Variants in SLC25A21 observed in about 807,000 individuals in gnomAD.
SLC25A21 encodes the protein solute carrier family 25 member 21.
In SLC25A21, 47 loss-of-function variants were observed where a neutral mutation model predicts 43.8. The observed-to-expected ratio is 1.07, with a 90% CI of 0.85 to 1.37. The LOEUF (loss-of-function observed/expected upper bound fraction) is 1.37, where lower values mean the gene tolerates loss of function less well. SLC25A21 is among the 40% of genes most tolerant of loss of function. SLC25A21 has a pLI of 0.00. For synonymous variants in SLC25A21, 131 were observed against 121.3 expected, an observed-to-expected ratio of 1.08 and a Z score of -0.52; for missense variants, 352 against 350.2, an observed-to-expected ratio of 1.00 and a Z score of -0.04.
At chr14:37,127,185 T>C (rs1023684086) in intron 1 of SLC25A21, among the ~76,000 whole-genome samples, 1 of 152,090 alleles carries the variant, frequency 6.6e-6, no homozygotes, top group African/African-American at 2.4e-5. Context: ...GTCACAAACA[T>C]ATCTTATTAA....
intron 3 of SLC25A21, among the ~76,000 whole-genome samples, chr14:36,758,068 T>A (rs1357736670): frequency 6.6e-6 from 1 of 152,236 alleles, no homozygotes; most frequent in Non-Finnish European, 1.5e-5. Context: ...GAATGCAGAC[T>A]GGCTCAGGGG....
chr14:36,884,746 C>G (rs1890864743), intron 1 of SLC25A21, among the ~76,000 whole-genome samples: 1 of 152,056 alleles, frequency 6.6e-6, no homozygotes, highest in South Asian at 2.1e-4. Flanking sequence ...GAGCATTTTT[C>G]TATATGTCTG....
At chr14:36,732,408 T>A (rs1884865589) in intron 4 of SLC25A21, among the ~76,000 whole-genome samples, 1 of 152,076 alleles carries the variant, frequency 6.6e-6, no homozygotes, top group Admixed American at 6.6e-5. Flanking sequence ...GGAACCATGG[T>A]GCCGCCCATC....
intron 7 of SLC25A21, among the ~76,000 whole-genome samples, chr14:36,708,339 A>G (rs1883666102): frequency 6.6e-6 from 1 of 152,252 alleles, no homozygotes; most frequent in Non-Finnish European, 1.5e-5. Context: ...ATTTACTAGT[A>G]TAATCTAGAT....
chr14:37,118,541 G>A (rs1447338085), intron 1 of SLC25A21, among the ~76,000 whole-genome samples: 1 of 152,104 alleles, frequency 6.6e-6, no homozygotes, highest in African/African-American at 2.4e-5. Flanking sequence ...TGATAAATTG[G>A]CTTTATCTGG....
chr14:36,927,049 T>C (rs977946349), intron 1 of SLC25A21, among the ~76,000 whole-genome samples: 3 of 152,068 alleles, frequency 2.0e-5, no homozygotes, highest in African/African-American at 7.2e-5. Context: ...GTGTGCCTGT[T>C]GTCCCAGCTA....
intron 1 of SLC25A21, among the ~76,000 whole-genome samples, chr14:37,038,201 C>A (rs1024324936): frequency 1.3e-5 from 2 of 152,158 alleles, no homozygotes; most frequent in Non-Finnish European, 2.9e-5. Flanking sequence ...TCTTAAATGA[C>A]ACTCATTGTC....
chr14:36,705,897 G>A (rs955889422), intron 7 of SLC25A21, among the ~76,000 whole-genome samples: 9 of 152,122 alleles, frequency 5.9e-5, no homozygotes, highest in African/African-American at 2.2e-4. Context: ...CAGCAAAGAC[G>A]AAATAAGGCC....
intron 1 of SLC25A21, among the ~76,000 whole-genome samples, chr14:37,011,561 G>A (rs1316922996): frequency 2.0e-5 from 3 of 152,200 alleles, no homozygotes; most frequent in Admixed American, 2.0e-4. Context: ...GATGTCTGGT[G>A]TAAGGAATTG....
At chr14:36,903,614 GAAAAAAAAAAAAAAA>G (rs71124784) in intron 1 of SLC25A21, among the ~76,000 whole-genome samples, 1 of 50,434 alleles carries the variant, frequency 2.0e-5, no homozygotes, top group Admixed American at 3.8e-4. Context: ...CTCCGTCTCA[GAAAAAAAAAAAAAAA>G]AAAAAAAAAA....
In SLC25A21 at chr14:37,137,013, T is replaced by C. The variant is rs371968515; in HGVS notation, c.70+35268A>G. Among the ~76,000 whole-genome samples the C allele has an allele frequency of 9.9e-5, 15 of 152,266 alleles. 1 individual carries two copies. The South Asian group carries it at 3.1e-3, about 32-fold the overall frequency. ...GCACTGACTTTTTTTGTTTTTGTTT[T>C]GTTTTGAGATGGAGTCTCGCTCTGT... On this transcript the variant is annotated intron_variant, in intron 1 of 9. Coordinates refer to ENST00000331299, the MANE Select transcript of SLC25A21 (RefSeq NM_030631.4).
chr14:37,150,780 G>A (rs1963745889), intron 1 of SLC25A21, among the ~76,000 whole-genome samples: 1 of 152,078 alleles, frequency 6.6e-6, no homozygotes, highest in Admixed American at 6.6e-5. Flanking sequence ...CTAGGCGGAC[G>A]CTCCAAAATA....
chr14:36,848,079 AG>A (rs1281049244), intron 2 of SLC25A21, among the ~76,000 whole-genome samples: 6 of 152,130 alleles, frequency 3.9e-5, no homozygotes, highest in Admixed American at 3.9e-4. Flanking sequence ...GGGAAAAGTC[AG>A]GGTGGAGAGA....
chr14:36,996,420 T>G (rs547720657), intron 1 of SLC25A21, among the ~76,000 whole-genome samples: 1 of 152,120 alleles, frequency 6.6e-6, no homozygotes, highest in African/African-American at 2.4e-5. Flanking sequence ...GACGACCAGG[T>G]TTCAAAGCCT....
chr14:36,897,100 G>A (rs567077661), intron 1 of SLC25A21, among the ~76,000 whole-genome samples: 141 of 152,218 alleles, frequency 9.3e-4, no homozygotes, highest in African/African-American at 3.3e-3. Flanking sequence ...TGCTAGATTG[G>A]GGAAGTTCTC....
At chr14:36,749,140 AT>A (rs1305686011) in intron 3 of SLC25A21, among the ~76,000 whole-genome samples, 1 of 152,070 alleles carries the variant, frequency 6.6e-6, no homozygotes, top group Non-Finnish European at 1.5e-5. Flanking sequence ...TGTTTTCTGT[AT>A]GTCACTTTCC....
intron 2 of SLC25A21, among the ~76,000 whole-genome samples, chr14:36,828,035 G>A (rs936987914): frequency 1.3e-5 from 2 of 151,966 alleles, no homozygotes; most frequent in Non-Finnish European, 2.9e-5. Flanking sequence ...TTGGTGGCTA[G>A]GACCGATGTG....
At chr14:36,764,865 T>C (rs1886354799) in intron 3 of SLC25A21, among the ~76,000 whole-genome samples, 1 of 152,206 alleles carries the variant, frequency 6.6e-6, no homozygotes, top group Non-Finnish European at 1.5e-5. Flanking sequence ...TGGCTACATG[T>C]ATTGCAGGAA....
Position 36,697,460 on chromosome 14 carries a change from A to C in SLC25A21, c.604-12535T>G, listed in dbSNP as rs1285723991. ...GCAGAGCTGAGTTCAGGTCCTGGAT[A>C]TGCTTGTTAACCTTCTGTCTCGTTG... On this transcript the variant is annotated intron_variant, in intron 7 of 9. Coordinates refer to ENST00000331299, the MANE Select transcript of SLC25A21 (RefSeq NM_030631.4). 2.0e-5 allele frequency among the ~76,000 whole-genome samples: 3 copies of C among 152,296 alleles called. No individual in the cohort carries two copies. The East Asian group carries it at 5.8e-4, about 29-fold the overall frequency.
Sources: allele counts gnomAD v4.1 joint callset (sites outside exome capture counted in the v4.1 genomes callset), GRCh38; gene constraint gnomAD v4.1.1; transcripts MANE v1.5; gene names NCBI Gene and HGNC (gene_info 2026-07-23, HGNC 2026-07-21).